NFYC: variants seen among roughly 807,000 people sequenced by gnomAD.
The protein encoded by NFYC is CAAT box DNA-binding protein subunit C.
NFYC carries 25 observed loss-of-function variants against 53.1 expected under a neutral mutation model. That is an observed-to-expected ratio of 0.47 (90% CI 0.34 to 0.66). The LOEUF (loss-of-function observed/expected upper bound fraction) is 0.66. Ranked by LOEUF, NFYC falls within the 30% of genes least tolerant of loss-of-function variation. The pLI, the probability that NFYC is intolerant of heterozygous loss-of-function variation, is 0.01. For synonymous variants in NFYC, 145 were observed against 152.6 expected (o/e 0.95, Z 0.37); for missense variants, 260 against 422.7 (o/e 0.62, Z 3.38).
In NFYC at chr1:40,758,210, C is replaced by T; in HGVS notation, c.477C>T (p.Gly159=). ...AQQPTAVQVQ[G]QQQGQQTTSS... ...AACCCACCGCTGTCCAAGTCCAGGGCCAGCAGCAAGGCCAGCAGACCACCA... is the reference window on the plus strand; with the variant it reads ...AACCCACCGCTGTCCAAGTCCAGGGTCAGCAGCAAGGCCAGCAGACCACCA... The change falls in exon 6 of 10, where the codon GGC becomes GGT. Residue 159 remains glycine (G), a synonymous_variant. Transcript: ENST00000447388. 1 of 1,613,204 alleles carries T rather than the reference C, an allele frequency of 6.2e-7. No homozygotes were observed. Among genetic ancestry groups the T allele is most frequent in the Non-Finnish European group, 8.5e-7 (1 of 1,180,002 alleles).
At chr1:40,763,911 C>CGTTAACCCAAACACGAATCTACCTAAA in intron 7 of NFYC, among the ~76,000 whole-genome samples, 1 of 152,286 alleles carries the variant, frequency 6.6e-6, no homozygotes. Context: ...AAGAGGGAGG[C>CGTTAACCCAAACACGAATCTACCTAAA]GTATAGGGAA....
intron 4 of NFYC, among the ~76,000 whole-genome samples, chr1:40,749,947 GC>G (rs1429676169): frequency 1.3e-5 from 2 of 152,142 alleles, no homozygotes; most frequent in Non-Finnish European, 2.9e-5. Flanking sequence ...GGTTTTCACA[GC>G]TTAGTGACTG....
intron 4 of NFYC, among the ~76,000 whole-genome samples, chr1:40,751,972 G>T (rs1645937907): frequency 6.6e-6 from 1 of 151,994 alleles, no homozygotes; most frequent in Non-Finnish European, 1.5e-5. Context: ...CATTTCAGAG[G>T]CTTGGGGCCA....
At chr1:40,763,740 T>C (rs1646681508) in intron 7 of NFYC, among the ~76,000 whole-genome samples, 1 of 152,230 alleles carries the variant, frequency 6.6e-6, no homozygotes, top group Non-Finnish European at 1.5e-5. Context: ...TCACTGTGTT[T>C]GTTCCCTGCT....
At chr1:40,700,422 A>G (rs894101937) in intron 1 of NFYC, among the ~76,000 whole-genome samples, 1 of 152,060 alleles carries the variant, frequency 6.6e-6, no homozygotes, top group Non-Finnish European at 1.5e-5. Context: ...GCTCAATGCA[A>G]CCTCAAACTT....
chr1:40,743,526 C>T (rs941178339), intron 2 of NFYC, among the ~76,000 whole-genome samples: 3 of 152,240 alleles, frequency 2.0e-5, no homozygotes, highest in African/African-American at 4.8e-5. Flanking sequence ...TCTCTACTTA[C>T]TCTTTACATC....
At chr1:40,692,812 C>G (rs1279831198) in intron 1 of NFYC, among the ~76,000 whole-genome samples, 1 of 152,176 alleles carries the variant, frequency 6.6e-6, no homozygotes, top group East Asian at 1.9e-4. Flanking sequence ...TTTAAAGTGA[C>G]AAAATCTGAT....
rs554909664 is a variant in NFYC at position 40,738,762 on chromosome 1, T to C, written c.-8-74T>C. On this transcript the variant is annotated intron_variant, in intron 1 of 9. Coordinates refer to ENST00000447388, the MANE Select transcript of NFYC (RefSeq NM_014223.5). ...AGATTCATAAAAACATCCACAAATA[T>C]ACAAATGCCTAATCTGGACAGAAAG... 43 of 1,056,368 alleles carry C rather than the reference T, an allele frequency of 4.1e-5. 1 individual carries two copies. The Middle Eastern group carries it at 1.3e-3, about 32-fold the overall frequency. The allele number at this position is 1,056,368 out of a possible 1,614,324, so 65.4% of individuals were successfully genotyped here. A position where few individuals can be genotyped will look rare whatever the true frequency, so the allele number is the denominator to read the frequency against.
chr1:40,693,703 C>T (rs1269999050), intron 1 of NFYC, among the ~76,000 whole-genome samples: 2 of 152,206 alleles, frequency 1.3e-5, no homozygotes, highest in African/African-American at 4.8e-5. Flanking sequence ...AGAATTCAAA[C>T]CCTGGTTGCC....
intron 1 of NFYC, among the ~76,000 whole-genome samples, chr1:40,729,512 G>A (rs557291208): frequency 1.3e-5 from 2 of 152,252 alleles, no homozygotes; most frequent in Admixed American, 6.5e-5. Flanking sequence ...TTGATCTTCT[G>A]TCTAGACCAC....
chr1:40,760,591 C>T (rs961145646), intron 6 of NFYC, among the ~76,000 whole-genome samples: 11 of 151,850 alleles, frequency 7.2e-5, no homozygotes, highest in Admixed American at 5.3e-4. Context: ...TGGTGGCGGG[C>T]GCCTATAGTC....
intron 1 of NFYC, among the ~76,000 whole-genome samples, chr1:40,727,777 C>T (rs1395842586): frequency 1.3e-5 from 2 of 151,786 alleles, no homozygotes; most frequent in Admixed American, 6.6e-5. Context: ...GTGATTCGCC[C>T]GCCTCGGCCT....
chr1:40,712,305 C>G (rs1643954535), intron 1 of NFYC: 1 of 152,112 alleles, frequency 6.6e-6, no homozygotes, highest in Non-Finnish European at 1.5e-5. Flanking sequence ...CATCAAGATC[C>G]TTGTGAAAGA....
chr1:40,702,023 C>T (rs78218735), intron 1 of NFYC, among the ~76,000 whole-genome samples: 1,866 of 152,328 alleles, frequency 0.012, 33 homozygotes, highest in African/African-American at 0.042. Flanking sequence ...AGTGTTCAAA[C>T]AGCCCGTGCC....
At chr1:40,714,233 A>G (rs1332923812) in intron 1 of NFYC, among the ~76,000 whole-genome samples, 1 of 152,236 alleles carries the variant, frequency 6.6e-6, no homozygotes, top group Non-Finnish European at 1.5e-5. Context: ...TTAATAAACA[A>G]AGATTCCAGG....
At chr1:40,745,563 A>G (rs1028704723) in intron 2 of NFYC, among the ~76,000 whole-genome samples, 3 of 152,160 alleles carry the variant, frequency 2.0e-5, no homozygotes, top group African/African-American at 7.2e-5. Context: ...AAACTTAAAT[A>G]GGCTGTGATT....
At chr1:40,744,580 T>C (rs933599821) in intron 2 of NFYC, among the ~76,000 whole-genome samples, 3 of 152,228 alleles carry the variant, frequency 2.0e-5, no homozygotes, top group African/African-American at 7.2e-5. Context: ...TGAATTTGTC[T>C]TGAAATGCAG....
intron 4 of NFYC, among the ~76,000 whole-genome samples, chr1:40,749,926 A>G (rs1185086479): frequency 1.3e-5 from 2 of 152,120 alleles, no homozygotes; most frequent in Non-Finnish European, 2.9e-5. Context: ...AATCTTAATC[A>G]ATTCTCTCCT....
chr1:40,704,217 G>A (rs992810282), intron 1 of NFYC, among the ~76,000 whole-genome samples: 47 of 151,868 alleles, frequency 3.1e-4, no homozygotes, highest in Admixed American at 3.0e-3. Flanking sequence ...GACTACAGGC[G>A]CCCGCCACCA....
Sources: allele counts gnomAD v4.1 joint callset (sites outside exome capture counted in the v4.1 genomes callset), GRCh38; gene constraint gnomAD v4.1.1; transcripts MANE v1.5; gene names NCBI Gene and HGNC (gene_info 2026-07-23, HGNC 2026-07-21).